TOX: variants seen among roughly 807,000 people sequenced by gnomAD.
The protein encoded by TOX is thymocyte selection-associated high mobility group box protein TOX.
In TOX, 11 loss-of-function variants were observed where a neutral mutation model predicts 53.7. The ratio of observed to expected loss-of-function variants is 0.20; its 90% CI spans 0.13 to 0.34. The LOEUF is 0.34. Among genes scored for constraint, TOX ranks in the 10% least tolerant of loss-of-function variants. TOX has a pLI of 1.00. For synonymous variants in TOX, 225 were observed against 245.3 expected, an observed-to-expected ratio of 0.92 and a Z score of 0.77; for missense variants, 570 against 664.6, an observed-to-expected ratio of 0.86 and a Z score of 1.56.
intron 3 of TOX, among the ~76,000 whole-genome samples, chr8:58,921,917 A>T (rs1322664321): frequency 6.6e-6 from 1 of 152,212 alleles, no homozygotes; most frequent in African/African-American, 2.4e-5. Context: ...TATGATGATG[A>T]TGTTCTATTA....
intron 2 of TOX, among the ~76,000 whole-genome samples, chr8:58,950,669 G>A (rs940122353): frequency 8.5e-5 from 13 of 152,222 alleles, no homozygotes; most frequent in African/African-American, 3.1e-4. Flanking sequence ...TTCCCCAGAA[G>A]TGGGATTTCT....
intron 1 of TOX, among the ~76,000 whole-genome samples, chr8:59,111,054 G>T (rs1805008435): frequency 6.6e-6 from 1 of 152,068 alleles, no homozygotes; most frequent in African/African-American, 2.4e-5. Flanking sequence ...TGGATATATG[G>T]AAGACTGGAA....
intron 3 of TOX, among the ~76,000 whole-genome samples, chr8:58,905,180 T>C (rs951789301): frequency 6.6e-6 from 1 of 152,174 alleles, no homozygotes; most frequent in East Asian, 1.9e-4. Context: ...ATCTACCCGC[T>C]TTGGCCTCCA....
chr8:58,965,047 T>G (rs1250717084), intron 1 of TOX, among the ~76,000 whole-genome samples: 2 of 152,240 alleles, frequency 1.3e-5, no homozygotes, highest in African/African-American at 4.8e-5. Context: ...TTACTCCGTA[T>G]GCTCATCACA....
chr8:58,922,600 C>T lies in TOX; in HGVS notation c.411+16702G>A, dbSNP rs560795159. Among the ~76,000 whole-genome samples the T allele has an allele frequency of 2.0e-4, 30 of 152,198 alleles. No individual in the cohort carries two copies. In the East Asian group the frequency reaches 5.4e-3, roughly 27 times the overall value. ...GATATATATGTGTTATTCAACAATA[C>T]TAAGGGCATGCCTTCTTCTCTCTTC... On this transcript the variant is annotated intron_variant, in intron 3 of 8. Coordinates refer to ENST00000361421, the MANE Select transcript of TOX (RefSeq NM_014729.3).
At chr8:59,019,096 T>A (rs1585967556) in intron 1 of TOX, among the ~76,000 whole-genome samples, 2 of 152,284 alleles carry the variant, frequency 1.3e-5, no homozygotes, top group South Asian at 4.1e-4. Flanking sequence ...CATAGGTAGA[T>A]CCTGATTAAT....
rs142923535 is a variant in TOX at position 59,102,621 on chromosome 8, T to C, written c.102+16265A>G. 7.6e-3 allele frequency among the ~76,000 whole-genome samples: 1,149 copies of C among 152,132 alleles called. 15 individuals carry two copies. Among genetic ancestry groups the C allele is most frequent in the African/African-American group, 0.026 (1,075 of 41,500 alleles). ...AAGACCCACCCCCATGATTCAATCA[T>C]CTCCCACCAGGTCTCTCCCACAAGA... is the stretch of plus-strand genomic sequence containing the variant. On this transcript the variant is annotated intron_variant, in intron 1 of 8. Transcript: ENST00000361421.
At position 58,815,450 on chromosome 8, in the gene TOX, A is replaced by G; in HGVS notation, c.1280T>C (p.Leu427Pro). Residue 427 changes from leucine (L) to proline (P), a missense_variant, in exon 7 of 9, where the codon CTT becomes CCT. Coordinates refer to ENST00000361421, the MANE Select transcript of TOX (RefSeq NM_014729.3). Reference protein sequence around the residue: ...PPPPLQISPPLHQHLNMQQHQ... With the variant: ...PPPPLQISPPPHQHLNMQQHQ... ...CTGCTGCATGTTGAGATGCTGGTGA[A>G]GAGGCGGGCTGATCTGGAGGGGAGG... 2 of 1,614,090 alleles carry G rather than the reference A, an allele frequency of 1.2e-6. No individual in the cohort carries two copies. Among genetic ancestry groups the G allele is most frequent in the Non-Finnish European group, 1.7e-6 (2 of 1,180,002 alleles).
chr8:58,997,902 C>T (rs1813590490), intron 1 of TOX, among the ~76,000 whole-genome samples: 1 of 152,100 alleles, frequency 6.6e-6, no homozygotes, highest in African/African-American at 2.4e-5. Flanking sequence ...ACGCCATTCT[C>T]CTGCCTCAGC....
chr8:58,838,699 C>CTTTTTTTTTTTTTTTTTTTTTTTTTTTTT lies in TOX; in HGVS notation c.694-389_694-388insAAAAAAAAAAAAAAAAAAAAAAAAAAAAA, dbSNP rs35347981. ...TTTCTTCTAAGGAAGTTATCCTTGT[C>CTTTTTTTTTTTTTTTTTTTTTTTTTTTTT]TTTTTTTTTTTTTTTTTTTTTGAGA... is the stretch of plus-strand genomic sequence containing the variant. On this transcript the variant is annotated intron_variant, in intron 4 of 8. Transcript: ENST00000361421. 2.6e-4 allele frequency among the ~76,000 whole-genome samples: 23 copies of CTTTTTTTTTTTTTTTTTTTTTTTTTTTTT among 88,876 alleles called. 3 individuals carry two copies. The highest frequency in any genetic ancestry group is 5.4e-4 in the African/African-American group (9 of 16,728). 58.3% of individuals were successfully genotyped at this position (88,876 alleles called of 152,430 possible).
chr8:59,070,782 A>T (rs1804185391), intron 1 of TOX, among the ~76,000 whole-genome samples: 1 of 152,222 alleles, frequency 6.6e-6, no homozygotes, highest in Admixed American at 6.5e-5. Context: ...TTTCAACGTC[A>T]TCTTTGGAAA....
intron 1 of TOX, among the ~76,000 whole-genome samples, chr8:59,015,702 C>T (rs1305438066): frequency 6.6e-6 from 1 of 152,044 alleles, no homozygotes; most frequent in African/African-American, 2.4e-5. Flanking sequence ...AGCTGACTAA[C>T]CCTGAAATAA....
At chr8:58,973,624 ATAAG>A (rs147652878) in intron 1 of TOX, among the ~76,000 whole-genome samples, 3,156 of 152,292 alleles carry the variant, frequency 0.021, 44 homozygotes, top group Non-Finnish European at 0.031. Flanking sequence ...ACCATATAGT[ATAAG>A]TAATTCCATT....
At chr8:58,968,257 T>C (rs184608392) in intron 1 of TOX, among the ~76,000 whole-genome samples, 1 of 152,324 alleles carries the variant, frequency 6.6e-6, no homozygotes, top group East Asian at 1.9e-4. Context: ...AAAATGAAGA[T>C]ATGGATTTTA....
At chr8:58,885,356 C>T (rs1218550414) in intron 3 of TOX, among the ~76,000 whole-genome samples, 2 of 152,032 alleles carry the variant, frequency 1.3e-5, no homozygotes, top group Admixed American at 6.6e-5. Flanking sequence ...GAACCTATTG[C>T]TACTTCTGGC....
intron 3 of TOX, among the ~76,000 whole-genome samples, chr8:58,901,167 AAC>A (rs1391496335): frequency 6.6e-6 from 1 of 152,184 alleles, no homozygotes; most frequent in Non-Finnish European, 1.5e-5. Context: ...ATTTTAGTAC[AAC>A]ACATTAAAAT....
chr8:58,995,812 C>A (rs1423865532), intron 1 of TOX, among the ~76,000 whole-genome samples: 1 of 152,202 alleles, frequency 6.6e-6, no homozygotes, highest in East Asian at 1.9e-4. Flanking sequence ...TTGAATGAAT[C>A]CTTACCAACA....
At chr8:58,869,152 G>A (rs528509428) in intron 3 of TOX, among the ~76,000 whole-genome samples, 78 of 150,122 alleles carry the variant, frequency 5.2e-4, no homozygotes, top group Non-Finnish European at 8.6e-4. Flanking sequence ...ACTTGAACCC[G>A]GGAGGCAGAG....
intron 1 of TOX, among the ~76,000 whole-genome samples, chr8:59,015,602 A>G (rs1813993380): frequency 6.6e-6 from 1 of 152,222 alleles, no homozygotes; most frequent in Non-Finnish European, 1.5e-5. Flanking sequence ...TAAATTTATT[A>G]CTTAAAAAAG....
Sources: allele counts gnomAD v4.1 joint callset (sites outside exome capture counted in the v4.1 genomes callset), GRCh38; gene constraint gnomAD v4.1.1; transcripts MANE v1.5; gene names NCBI Gene and HGNC (gene_info 2026-07-23, HGNC 2026-07-21).